Variants in PRDM5 observed in about 807,000 individuals in gnomAD.
PRDM5 encodes the protein PR domain zinc finger protein 5.
A neutral mutation model predicts 81.2 loss-of-function variants in PRDM5; 56 were observed. The observed-to-expected ratio is 0.69, with a 90% confidence interval of 0.56 to 0.86. The LOEUF is 0.86. Ranked by LOEUF, PRDM5 falls within the 40% of genes least tolerant of loss-of-function variation. PRDM5 has a pLI of 0.00. For missense variants in PRDM5, 697 were observed against 770.1 expected (o/e 0.91, Z 1.12); for synonymous variants, 267 against 256.4 (o/e 1.04, Z -0.39).
chr4:120,869,100 A>T (rs550646634), intron 2 of PRDM5, among the ~76,000 whole-genome samples: 3 of 152,248 alleles, frequency 2.0e-5, no homozygotes, highest in Admixed American at 6.5e-5. Flanking sequence ...GATTTTTTTT[A>T]AAAAACATGA....
At chr4:120,793,293 G>C (rs145160591) in intron 10 of PRDM5, among the ~76,000 whole-genome samples, 1 of 152,132 alleles carries the variant, frequency 6.6e-6, no homozygotes, top group Non-Finnish European at 1.5e-5. Flanking sequence ...AATGCCTGAT[G>C]ATCTGTCACT....
At chr4:120,909,754 TA>T (rs1388672194) in intron 1 of PRDM5, among the ~76,000 whole-genome samples, 1 of 152,090 alleles carries the variant, frequency 6.6e-6, no homozygotes, top group African/African-American at 2.4e-5. Context: ...GCAGGCCTAG[TA>T]AGATTATTAA....
intron 13 of PRDM5, among the ~76,000 whole-genome samples, chr4:120,758,611 C>A (rs910196457): frequency 1.1e-4 from 16 of 152,086 alleles, no homozygotes; most frequent in African/African-American, 3.6e-4. Flanking sequence ...CCTTCCCTAG[C>A]GCCTTCACAG....
chr4:120,807,674 G>A lies in PRDM5; in HGVS notation c.945+3696C>T, dbSNP rs1194639477. ...GAAGCCGCAGACCCTCACAGTGAGT[G>A]TTACAGTTCTTAAAGGCGGTGTGTC... On this transcript the variant is annotated intron_variant, in intron 8 of 15. Coordinates refer to ENST00000264808, the MANE Select transcript of PRDM5 (RefSeq NM_018699.4). 2.0e-5 allele frequency among the ~76,000 whole-genome samples: 3 copies of A among 152,216 alleles called. No homozygotes were observed. The East Asian group carries it at 5.8e-4, about 29-fold the overall frequency.
At chr4:120,724,630 G>T (rs1739125037) in intron 14 of PRDM5, among the ~76,000 whole-genome samples, 1 of 152,070 alleles carries the variant, frequency 6.6e-6, no homozygotes, top group Non-Finnish European at 1.5e-5. Context: ...ATCCATCTTT[G>T]AATAAAACCA....
intron 2 of PRDM5, chr4:120,896,752 T>G (rs539494057): frequency 6.6e-6 from 1 of 152,166 alleles, no homozygotes; most frequent in African/African-American, 2.4e-5. Flanking sequence ...GGCACAATCT[T>G]GGCTCACTGC....
chr4:120,905,878 C>T (rs1765739892), intron 2 of PRDM5, among the ~76,000 whole-genome samples: 1 of 152,076 alleles, frequency 6.6e-6, no homozygotes, highest in African/African-American at 2.4e-5. Flanking sequence ...GGTCACAATG[C>T]AATGTTTCAG....
chr4:120,781,231 T>A lies in PRDM5; in HGVS notation c.1355A>T (p.Gln452Leu). 2 of 1,612,228 alleles carry A rather than the reference T, an allele frequency of 1.2e-6. No homozygotes were observed. Among genetic ancestry groups the A allele is most frequent in the South Asian group, 2.2e-5 (2 of 91,048 alleles). The change falls in exon 12 of 16, where the codon CAG becomes CTG. Residue 452 changes from glutamine to leucine, a missense_variant. This residue lies in a region of PRDM5 where 577 missense variants were observed against 606.7 expected (regional missense o/e 0.95). Transcript: ENST00000264808. Reference sequence around the variant, plus strand: ...CTTCTTGTGTCTTTCATGAACCACCTGGACATGAACATTTAATGTATCCTT... The same window carrying A: ...CTTCTTGTGTCTTTCATGAACCACCAGGACATGAACATTTAATGTATCCTT... The part of the protein sequence containing the change: ...KRKDTLNVHV[Q>L]VVHERHKKYR...
rs548732783 is a variant in PRDM5 at position 120,781,474 on chromosome 4, G to A, written c.1283-171C>T. 2.6e-5 allele frequency among the ~76,000 whole-genome samples: 4 copies of A among 152,264 alleles called. No individual in the cohort carries two copies. The East Asian group carries it at 7.7e-4, about 29-fold the overall frequency. On this transcript the variant is annotated intron_variant, in intron 11 of 15. Coordinates refer to ENST00000264808, the MANE Select transcript of PRDM5 (RefSeq NM_018699.4). The stretch of plus-strand genomic sequence containing the variant: ...GTTCCATTATTTGCTAATTCACTGT[G>A]TGACTAGGCAGAAGTCCTTTCATCT...
intron 10 of PRDM5, among the ~76,000 whole-genome samples, chr4:120,788,909 C>A (rs777792416): frequency 2.0e-5 from 3 of 152,184 alleles, no homozygotes; most frequent in Non-Finnish European, 4.4e-5. Flanking sequence ...TTAAGTAAGG[C>A]ACAGTAAGAT....
downstream of PRDM5, among the ~76,000 whole-genome samples, chr4:120,690,237 G>A (rs34348079): frequency 0.17 from 26,225 of 152,052 alleles, 2,587 homozygotes; most frequent in Non-Finnish European, 0.24. Flanking sequence ...ATAATATATT[G>A]TTTTAACACT....
chr4:120,802,368 C>T (rs576531999), intron 8 of PRDM5, among the ~76,000 whole-genome samples: 71 of 152,288 alleles, frequency 4.7e-4, no homozygotes, highest in African/African-American at 1.7e-3. Flanking sequence ...AACTGAGGTA[C>T]CGGGTTCATC....
intron 1 of PRDM5, 118 bp downstream of exon 1, chr4:120,922,398 C>A (rs989412455): frequency 8.7e-7 from 1 of 1,150,918 alleles, no homozygotes; most frequent in African/African-American, 1.6e-5. Flanking sequence ...TGGCCCGGCC[C>A]GGGCGAGGGG....
At chr4:120,817,784 T>C (rs1473720225) in intron 5 of PRDM5, among the ~76,000 whole-genome samples, 1 of 152,208 alleles carries the variant, frequency 6.6e-6, no homozygotes, top group African/African-American at 2.4e-5. Context: ...TAATATAAAT[T>C]GTTAAAATAA....
At chr4:120,745,537 C>G (rs1277418471) in intron 14 of PRDM5, among the ~76,000 whole-genome samples, 1 of 146,400 alleles carries the variant, frequency 6.8e-6, no homozygotes, top group Non-Finnish European at 1.5e-5. Context: ...AAAACCCCAT[C>G]GTCTCAGCCC....
rs70948365 is a variant in PRDM5, at chr4:120,872,150, C to CAAAAAAAAAAAAAAAAA, written c.178-18627_178-18611dup. On this transcript the variant is annotated intron_variant, in intron 2 of 15. Coordinates refer to ENST00000264808, the MANE Select transcript of PRDM5 (RefSeq NM_018699.4). ...TGGGCGACAGAGCAAGACTCCATCTCAAAAAAAAAAAAAAAAAAAAAAAAC... is the reference window on the plus strand; with the variant it reads ...TGGGCGACAGAGCAAGACTCCATCTCAAAAAAAAAAAAAAAAAAAAAAAAAAAAAAAAAAAAAAAAAC... Among the ~76,000 whole-genome samples the CAAAAAAAAAAAAAAAAA allele has an allele frequency of 1.2e-3, 50 of 41,828 alleles. 3 individuals are homozygous for CAAAAAAAAAAAAAAAAA. Among genetic ancestry groups the CAAAAAAAAAAAAAAAAA allele is most frequent in the African/African-American group, 4.4e-3 (37 of 8,366 alleles). The allele number at this position is 41,828 out of a possible 152,430, so 27.4% of individuals were successfully genotyped here.
chr4:120,744,611 C>A (rs1487714875), intron 14 of PRDM5, among the ~76,000 whole-genome samples: 2 of 152,108 alleles, frequency 1.3e-5, no homozygotes, highest in African/African-American at 4.8e-5. Flanking sequence ...TACCACGGAT[C>A]CCACAGAAAT....
chr4:120,743,303 C>T (rs1303506349), intron 14 of PRDM5, among the ~76,000 whole-genome samples: 8 of 151,654 alleles, frequency 5.3e-5, no homozygotes, highest in Non-Finnish European at 8.8e-5. Flanking sequence ...AAGGAACAAC[C>T]GGTACCAGCC....
At position 120,777,188 on chromosome 4, in the gene PRDM5, C is replaced by A; in HGVS notation, c.1537G>T (p.Gly513Cys). ...ACTAGTCTAATTACAATCTCCATAC[C>A]TGTGTGGCTCCGGATATGAACTCTG... is the stretch of plus-strand genomic sequence containing the variant. ...TLRVHIRSHTGERPYQCPYCE... is the reference protein window; with the variant it reads ...TLRVHIRSHTCERPYQCPYCE... The change falls in exon 13 of 16, where the codon GGT (glycine) becomes TGT (cysteine). Residue 513 changes from glycine (G) to cysteine (C), a missense_variant and splice_region_variant. Gly to Cys is a radical substitution (Grantham distance 159). This residue lies in a region of PRDM5 where 86 missense variants were observed against 135.2 expected (regional missense o/e 0.64). Transcript: ENST00000264808. 6.2e-7 allele frequency: 1 copy of A among 1,613,242 alleles called. No homozygotes were observed. The highest frequency in any genetic ancestry group is 8.5e-7 in the Non-Finnish European group (1 of 1,179,432).
Sources: gnomAD v4.1 joint callset for allele counts (sites outside exome capture counted in the v4.1 genomes callset) on GRCh38, gnomAD v4.1.1 for gene constraint, gnomAD v4.1.1 regional missense constraint, MANE v1.5 for transcripts, NCBI Gene and HGNC (gene_info 2026-07-23, HGNC 2026-07-21) for gene names.